Variants in PRKAG2 observed in about 807,000 individuals in gnomAD.
The protein encoded by PRKAG2 is 5'-AMP-activated protein kinase subunit gamma-2.
In PRKAG2, 26 loss-of-function variants were observed where a neutral mutation model predicts 69.6. The ratio of observed to expected loss-of-function variants is 0.37; its 90% CI spans 0.27 to 0.52. PRKAG2 has a LOEUF of 0.52. PRKAG2 is among the 20% of genes least tolerant of loss of function. PRKAG2 has a pLI of 0.90. For synonymous variants in PRKAG2, 293 were observed against 285.0 expected, an observed-to-expected ratio of 1.03 and a Z score of -0.28; for missense variants, 557 against 740.0, an observed-to-expected ratio of 0.75 and a Z score of 2.87.
chr7:151,779,286 T>A (rs1157169379), intron 3 of PRKAG2, among the ~76,000 whole-genome samples: 2 of 152,230 alleles, frequency 1.3e-5, no homozygotes, highest in Non-Finnish European at 2.9e-5. Flanking sequence ...AATGCTGTAC[T>A]GAGCTGCAGC....
At chr7:151,584,937 C>A (rs754964521) in intron 6 of PRKAG2, among the ~76,000 whole-genome samples, 1 of 151,914 alleles carries the variant, frequency 6.6e-6, no homozygotes, top group Non-Finnish European at 1.5e-5. Context: ...AAAGAAACAA[C>A]GCAAGGACCA....
chr7:151,861,420 G>C (rs2079918691), intron 1 of PRKAG2, among the ~76,000 whole-genome samples: 1 of 151,340 alleles, frequency 6.6e-6, no homozygotes, highest in South Asian at 2.1e-4. Context: ...CCCAGCTACT[G>C]GGGAGGCTGA....
intron 15 of PRKAG2, chr7:151,559,167 G>T: frequency 1.0e-6 from 1 of 983,262 alleles, no homozygotes; most frequent in Non-Finnish European, 1.2e-6. Context: ...GTCTGGATGA[G>T]CCTGGCTCCC....
At chr7:151,746,176 G>C (rs2074272318) in intron 3 of PRKAG2, among the ~76,000 whole-genome samples, 1 of 152,244 alleles carries the variant, frequency 6.6e-6, no homozygotes, top group Non-Finnish European at 1.5e-5. Flanking sequence ...AAGCCAGTTT[G>C]GCCTGTGGTC....
intron 3 of PRKAG2, among the ~76,000 whole-genome samples, chr7:151,683,790 C>G (rs1019911733): frequency 1.2e-4 from 19 of 152,120 alleles, no homozygotes; most frequent in Admixed American, 2.0e-4. Flanking sequence ...CTGTAGCACA[C>G]AGAGGGATGC....
chr7:151,805,569 T>C (rs2078059942), intron 1 of PRKAG2, among the ~76,000 whole-genome samples: 1 of 152,226 alleles, frequency 6.6e-6, no homozygotes, highest in South Asian at 2.1e-4. Flanking sequence ...TGTTTTTTAA[T>C]CTAAAAACTG....
At chr7:151,598,627 G>A (rs1169261002) in intron 5 of PRKAG2, among the ~76,000 whole-genome samples, 4 of 151,616 alleles carry the variant, frequency 2.6e-5, no homozygotes, top group African/African-American at 9.7e-5. Flanking sequence ...TAAAGCAAAT[G>A]CAAATAGAAA....
intron 1 of PRKAG2, among the ~76,000 whole-genome samples, chr7:151,825,721 AT>A (rs1563732366): frequency 1.1e-4 from 17 of 152,016 alleles, no homozygotes; most frequent in South Asian, 8.3e-4. Flanking sequence ...TTCACGTCCC[AT>A]CCCCTGAGCT....
chr7:151,842,654 G>A (rs1237371308), intron 1 of PRKAG2, among the ~76,000 whole-genome samples: 1 of 149,802 alleles, frequency 6.7e-6, no homozygotes, highest in East Asian at 2.0e-4. Flanking sequence ...GGTAGTGATA[G>A]TAGTGAGGGT....
At chr7:151,698,770 A>G (rs554426756) in intron 3 of PRKAG2, among the ~76,000 whole-genome samples, 1 of 152,284 alleles carries the variant, frequency 6.6e-6, no homozygotes, top group South Asian at 2.1e-4. Flanking sequence ...GACTAACACA[A>G]TCTCCCAAAC....
intron 5 of PRKAG2, among the ~76,000 whole-genome samples, chr7:151,605,972 A>G (rs1425002380): frequency 1.3e-5 from 2 of 150,626 alleles, no homozygotes; most frequent in Non-Finnish European, 3.0e-5. Flanking sequence ...GCTTCAACCC[A>G]GGACATGGAG....
chr7:151,814,466 T>G lies in PRKAG2; in HGVS notation c.115-27925A>C, dbSNP rs1331176765. The G allele has an allele frequency of 3.3e-6, 4 of 1,230,406 alleles. No homozygotes were observed. Among genetic ancestry groups the G allele is most frequent in the Non-Finnish European group, 4.0e-6 (4 of 987,750 alleles). The allele number at this position is 1,230,406 out of a possible 1,614,324, so 76.2% of individuals were successfully genotyped here. A position where few individuals can be genotyped will look rare whatever the true frequency, so the allele number is the denominator to read the frequency against. ...TTCTCTTCCAGATGCTAATAAGCAG[T>G]GCAGGCTTGTAAGCTGCTGGATGGC... On this transcript the variant is annotated intron_variant, in intron 1 of 15. Transcript: ENST00000287878. The surrounding 1 kb of genome is among the most constrained non-coding windows in gnomAD (Gnocchi z 4.8).
At chr7:151,710,778 T>C (rs1234955169) in intron 3 of PRKAG2, among the ~76,000 whole-genome samples, 1 of 152,212 alleles carries the variant, frequency 6.6e-6, no homozygotes, top group African/African-American at 2.4e-5. Context: ...TGCTTGCCCC[T>C]ACAAGCAAAT....
intron 3 of PRKAG2, among the ~76,000 whole-genome samples, chr7:151,720,292 C>A (rs1016367864): frequency 6.6e-6 from 1 of 152,038 alleles, no homozygotes; most frequent in African/African-American, 2.4e-5. Flanking sequence ...CATTGTTGTT[C>A]AAGCCAGTTC....
At chr7:151,796,014 ATTAAC>A (rs1226014705) in intron 1 of PRKAG2, among the ~76,000 whole-genome samples, 3 of 149,544 alleles carry the variant, frequency 2.0e-5, no homozygotes, top group Admixed American at 6.7e-5. Context: ...CACATAATAT[ATTAAC>A]TTAATATATT....
At chr7:151,739,976 T>A (rs1178294569) in intron 3 of PRKAG2, among the ~76,000 whole-genome samples, 1 of 152,178 alleles carries the variant, frequency 6.6e-6, no homozygotes, top group Non-Finnish European at 1.5e-5. Context: ...CTATTCTATA[T>A]GTGAATGTCG....
intron 3 of PRKAG2, among the ~76,000 whole-genome samples, chr7:151,738,793 G>T (rs772049488): frequency 5.9e-5 from 9 of 152,204 alleles, no homozygotes; most frequent in African/African-American, 1.4e-4. Flanking sequence ...AGCTCTGAAG[G>T]CTGTGAGACC....
At chr7:151,710,322 C>A (rs971380933) in intron 3 of PRKAG2, among the ~76,000 whole-genome samples, 1 of 152,162 alleles carries the variant, frequency 6.6e-6, no homozygotes, top group South Asian at 2.1e-4. Flanking sequence ...CCCCAGCTGC[C>A]GAGGCTTCGC....
At chr7:151,640,441 C>G (rs1826483299) in intron 4 of PRKAG2, among the ~76,000 whole-genome samples, 1 of 152,194 alleles carries the variant, frequency 6.6e-6, no homozygotes, top group African/African-American at 2.4e-5. Context: ...TTCACCTTCT[C>G]TTGCCATGTC....
Sources: allele counts gnomAD v4.1 joint callset (sites outside exome capture counted in the v4.1 genomes callset), GRCh38; gene constraint gnomAD v4.1.1; non-coding constraint Gnocchi (gnomAD v3.1); transcripts MANE v1.5; gene names NCBI Gene and HGNC (gene_info 2026-07-23, HGNC 2026-07-21).